The following KCNIP4 variants were observed in gnomAD, a reference collection of about 807,000 sequenced individuals.
KCNIP4 encodes Kv channel-interacting protein 4.
In KCNIP4, 12 loss-of-function variants were observed where a neutral mutation model predicts 34.0. The observed-to-expected ratio is 0.35, with a 90% CI of 0.23 to 0.57. The LOEUF (loss-of-function observed/expected upper bound fraction) is 0.57. Among genes scored for constraint, KCNIP4 ranks in the 20% least tolerant of loss-of-function variants. The probability of loss-of-function intolerance (pLI) is 0.83; values close to 1 mark genes in which losing one functional copy is unlikely to be tolerated. For synonymous variants in KCNIP4, 124 were observed against 102.2 expected (o/e 1.21, Z -1.29); for missense variants, 238 against 311.7 (o/e 0.76, Z 1.78).
intron 1 of KCNIP4, among the ~76,000 whole-genome samples, chr4:21,856,513 C>T (rs1724765056): frequency 6.6e-6 from 1 of 152,186 alleles, no homozygotes. Flanking sequence ...GCGGAAGCTC[C>T]ACCCCCTTCT....
intron 1 of KCNIP4, among the ~76,000 whole-genome samples, chr4:21,405,793 C>T (rs569161334): frequency 6.6e-6 from 1 of 152,274 alleles, no homozygotes; most frequent in South Asian, 2.1e-4. Context: ...ATCAGGGGGT[C>T]TCAGTCCATC....
intron 1 of KCNIP4, among the ~76,000 whole-genome samples, chr4:20,972,419 G>A (rs1000469565): frequency 1.2e-4 from 19 of 152,172 alleles, no homozygotes; most frequent in African/African-American, 4.6e-4. Context: ...TGGATGTTGT[G>A]TTCAGAGGCA....
intron 1 of KCNIP4, among the ~76,000 whole-genome samples, chr4:21,707,029 T>C (rs1713332286): frequency 6.6e-6 from 1 of 152,174 alleles, no homozygotes; most frequent in Non-Finnish European, 1.5e-5. Context: ...ACACTACCAA[T>C]GTTTGCATCA....
At chr4:21,388,874 T>C (rs544928324) in intron 1 of KCNIP4, among the ~76,000 whole-genome samples, 1 of 152,336 alleles carries the variant, frequency 6.6e-6, no homozygotes, top group South Asian at 2.1e-4. Context: ...ATACATGTAA[T>C]ATCTTTATTT....
intron 1 of KCNIP4, among the ~76,000 whole-genome samples, chr4:21,547,360 C>T (rs1738229752): frequency 6.6e-6 from 1 of 152,032 alleles, no homozygotes; most frequent in Non-Finnish European, 1.5e-5. Flanking sequence ...TTTAATTAAA[C>T]TAAATATATA....
intron 1 of KCNIP4, among the ~76,000 whole-genome samples, chr4:21,795,102 C>T (rs77579331): frequency 0.057 from 8,742 of 152,132 alleles, 283 homozygotes; most frequent in South Asian, 0.093. Flanking sequence ...AGATTGTATT[C>T]GGAGACAGGG....
At chr4:21,231,626 G>A (rs1429945888) in intron 1 of KCNIP4, among the ~76,000 whole-genome samples, 1 of 152,052 alleles carries the variant, frequency 6.6e-6, no homozygotes, top group Non-Finnish European at 1.5e-5. Flanking sequence ...GGTAGTAGTA[G>A]GAGACCATTG....
In KCNIP4 at chr4:21,152,597, T is replaced by C. The variant is rs73805027; in HGVS notation, c.62-269888A>G. Among the ~76,000 whole-genome samples the C allele has an allele frequency of 4.6e-3, 702 of 152,174 alleles. 3 individuals are homozygous for C. The highest frequency in any genetic ancestry group is 0.015 in the African/African-American group (605 of 41,522). On this transcript the variant is annotated intron_variant, in intron 1 of 8. Transcript: ENST00000382152. The stretch of plus-strand genomic sequence containing the variant: ...AGGCTTGTCTGCAGTTTGTTTGTTT[T>C]TACTCAGATATACCCAGGAGATTTT...
At chr4:21,775,255 C>T (rs902039600) in intron 1 of KCNIP4, among the ~76,000 whole-genome samples, 1 of 152,116 alleles carries the variant, frequency 6.6e-6, no homozygotes, top group Non-Finnish European at 1.5e-5. Context: ...GGGCTCACTT[C>T]AGGCCCTATT....
intron 1 of KCNIP4, among the ~76,000 whole-genome samples, chr4:21,062,925 T>C (rs896986833): frequency 5.9e-5 from 9 of 152,164 alleles, no homozygotes; most frequent in African/African-American, 2.2e-4. Context: ...GTTAATCTCA[T>C]CACAAAACAT....
At chr4:21,472,402 A>G (rs566168798) in intron 1 of KCNIP4, among the ~76,000 whole-genome samples, 4 of 152,138 alleles carry the variant, frequency 2.6e-5, no homozygotes, top group Non-Finnish European at 4.4e-5. Context: ...AACATGAGTG[A>G]GAAAACCAAT....
chr4:21,040,421 A>G (rs1254207545), intron 1 of KCNIP4, among the ~76,000 whole-genome samples: 2 of 152,174 alleles, frequency 1.3e-5, no homozygotes, highest in African/African-American at 2.4e-5. Flanking sequence ...ACAGCTGGCT[A>G]TTTTCCAGAA....
intron 1 of KCNIP4, among the ~76,000 whole-genome samples, chr4:20,957,836 TG>T (rs1733470721): frequency 6.6e-6 from 1 of 152,214 alleles, no homozygotes; most frequent in African/African-American, 2.4e-5. Context: ...CTAAAAATAA[TG>T]GTATAATTTG....
intron 1 of KCNIP4, among the ~76,000 whole-genome samples, chr4:21,814,857 T>C (rs1313067278): frequency 6.6e-6 from 1 of 152,160 alleles, no homozygotes; most frequent in African/African-American, 2.4e-5. Flanking sequence ...AATACCATCC[T>C]GATATGACAG....
intron 1 of KCNIP4, among the ~76,000 whole-genome samples, chr4:21,291,832 C>A (rs545317288): frequency 7.9e-6 from 1 of 125,832 alleles, no homozygotes; most frequent in Non-Finnish European, 1.6e-5. Context: ...CCAGCCTGGG[C>A]GACAGAGTTA....
intron 1 of KCNIP4, among the ~76,000 whole-genome samples, chr4:20,891,389 G>A (rs960801944): frequency 2.0e-5 from 3 of 152,212 alleles, no homozygotes; most frequent in East Asian, 1.9e-4. Context: ...GGCTGATCAC[G>A]AGGTTGGTAG....
chr4:21,849,627 T>C (rs963021696), intron 1 of KCNIP4: 1 of 152,118 alleles, frequency 6.6e-6, no homozygotes, highest in African/African-American at 2.4e-5. Flanking sequence ...ACGACAGTAC[T>C]TATACAAAAT....
chr4:21,894,550 CAT>C (rs1424885521), intron 1 of KCNIP4, among the ~76,000 whole-genome samples: 1 of 152,060 alleles, frequency 6.6e-6, no homozygotes, highest in Non-Finnish European at 1.5e-5. Flanking sequence ...CTAGTAGTAA[CAT>C]AGAGATAATA....
intron 1 of KCNIP4, among the ~76,000 whole-genome samples, chr4:21,584,109 C>G (rs1310679019): frequency 6.6e-6 from 1 of 151,942 alleles, no homozygotes; most frequent in African/African-American, 2.4e-5. Context: ...ACAACCAAAC[C>G]TTTGAGGTAG....
Sources: gnomAD v4.1 joint callset for allele counts (sites outside exome capture counted in the v4.1 genomes callset) on GRCh38, gnomAD v4.1.1 for gene constraint, MANE v1.5 for transcripts, NCBI Gene and HGNC (gene_info 2026-07-23, HGNC 2026-07-21) for gene names.